PHF11: variants seen among roughly 807,000 people sequenced by gnomAD.
PHF11 encodes PHD finger protein 11, also known as BRCA1 C-terminus-associated protein.
In PHF11, 38 loss-of-function variants were observed where a neutral mutation model predicts 40.5. That is an observed-to-expected ratio of 0.94 (90% CI 0.72 to 1.23). PHF11 has a LOEUF of 1.23. PHF11 is among the 50% of genes most tolerant of loss of function. The probability of loss-of-function intolerance (pLI) is 0.00; values close to 1 mark genes in which losing one functional copy is unlikely to be tolerated. For synonymous variants in PHF11, 127 were observed against 138.2 expected, an observed-to-expected ratio of 0.92 and a Z score of 0.57; for missense variants, 369 against 392.4, an observed-to-expected ratio of 0.94 and a Z score of 0.50.
chr13:49,526,857 G>C (rs1028928702), intron 9 of PHF11, among the ~76,000 whole-genome samples: 1 of 152,140 alleles, frequency 6.6e-6, no homozygotes, highest in Non-Finnish European at 1.5e-5. Flanking sequence ...TTTGGCCTGT[G>C]TGTGGCCCAG....
At chr13:49,512,429 G>A (rs1018119858) in intron 2 of PHF11, among the ~76,000 whole-genome samples, 17 of 151,976 alleles carry the variant, frequency 1.1e-4, no homozygotes, top group Admixed American at 3.9e-4. Flanking sequence ...AGAAATCTTC[G>A]CCTATGCCAA....
intron 4 of PHF11, 171 bp downstream of exon 4, chr13:49,518,322 ATC>A (rs1184470749): frequency 1.8e-5 from 5 of 281,502 alleles, no homozygotes; most frequent in Middle Eastern, 8.8e-4. Context: ...TCAGTGAAAA[ATC>A]TATATATATA....
At chr13:49,518,987 T>G (rs9596130) in intron 4 of PHF11, among the ~76,000 whole-genome samples, 1 of 148,100 alleles carries the variant, frequency 6.8e-6, no homozygotes, top group Non-Finnish European at 1.5e-5. Context: ...AGGCGCCCGC[T>G]ACCACGCCCG....
chr13:49,527,518 A>T (rs7996994), intron 9 of PHF11, among the ~76,000 whole-genome samples: 72,323 of 152,074 alleles, frequency 0.48, 17,645 homozygotes, highest in Middle Eastern at 0.6. Flanking sequence ...TTTCTATTTG[A>T]ATTTTTTACT....
Position 49,497,366 on chromosome 13 carries a change from C to T in PHF11, c.94+1271C>T, listed in dbSNP as rs187521528. 8 of 486,864 alleles carry T rather than the reference C, an allele frequency of 1.6e-5. No individual in the cohort carries two copies. In the East Asian group the frequency reaches 2.7e-4, roughly 17 times the overall value. The allele number at this position is 486,864 out of a possible 1,614,324, so 30.2% of individuals were successfully genotyped here. ...CTCCACTGTATTCAGGTACTCCAAA[C>T]CTGCTCAACCACCAGCCCATTCCAT... On this transcript the variant is annotated intron_variant, in intron 1 of 9. Coordinates refer to ENST00000378319, the MANE Select transcript of PHF11 (RefSeq NM_001040443.3).
intron 1 of PHF11, chr13:49,497,058 C>A (rs767727832): frequency 1.7e-4 from 219 of 1,263,038 alleles, no homozygotes; most frequent in Non-Finnish European, 2.1e-4. Context: ...CTTTAAAGGG[C>A]AAGACTCAGC....
At chr13:49,526,234 T>G in intron 8 of PHF11, 153 bp from the exon 9 acceptor site, 1 of 605,700 alleles carries the variant, frequency 1.7e-6, no homozygotes, top group Non-Finnish European at 3.0e-6. Flanking sequence ...ACAGCTTCCC[T>G]GTAGTGCTGC....
intron 2 of PHF11, among the ~76,000 whole-genome samples, chr13:49,510,511 AG>A (rs1309832510): frequency 2.6e-5 from 4 of 152,026 alleles, no homozygotes; most frequent in Admixed American, 6.6e-5. Context: ...ATTTGAGACA[AG>A]GTCTCCCCAG....
intron 4 of PHF11, chr13:49,518,377 T>G (rs1456527699): frequency 4.2e-6 from 1 of 238,304 alleles, no homozygotes; most frequent in Non-Finnish European, 7.9e-6. Flanking sequence ...ATGAGATCAA[T>G]GTTAGGACAG....
chr13:49,497,231 G>C (rs1238866557), intron 1 of PHF11: 3 of 1,278,292 alleles, frequency 2.3e-6, no homozygotes, highest in Admixed American at 4.6e-5. Context: ...AGTCACGGGA[G>C]ATGCGCTTCC....
intron 1 of PHF11, among the ~76,000 whole-genome samples, chr13:49,500,093 A>G (rs1958879284): frequency 6.6e-6 from 1 of 152,180 alleles, no homozygotes; most frequent in African/African-American, 2.4e-5. Context: ...AATTAGTCAT[A>G]GTTCTTATAT....
At chr13:49,517,095 A>G (rs1959165017) in intron 3 of PHF11, among the ~76,000 whole-genome samples, 2 of 152,222 alleles carry the variant, frequency 1.3e-5, no homozygotes, top group Admixed American at 1.3e-4. Flanking sequence ...TTTTTCCTAT[A>G]TACATAGCCA....
At chr13:49,505,031 G>A (rs1360811966) in intron 1 of PHF11, among the ~76,000 whole-genome samples, 1 of 150,246 alleles carries the variant, frequency 6.7e-6, no homozygotes, top group Non-Finnish European at 1.5e-5. Context: ...CTCGTTAAGA[G>A]TCATCACCAC....
At chr13:49,522,831 C>A (rs1189094866) in intron 6 of PHF11, among the ~76,000 whole-genome samples, 3 of 133,726 alleles carry the variant, frequency 2.2e-5, no homozygotes, top group Non-Finnish European at 4.6e-5. Flanking sequence ...ATGGTGTGAT[C>A]TAAGCTCACT....
In PHF11 at chr13:49,510,817, A is replaced by T. The variant is rs536130541; in HGVS notation, c.217-2242A>T. Among the ~76,000 whole-genome samples, 3 of 152,314 alleles carry T rather than the reference A, an allele frequency of 2.0e-5. No homozygotes were observed. The East Asian group carries it at 5.8e-4, about 29-fold the overall frequency. ...AATATACTGTTGATGTTGATTTGCT[A>T]CTATTTTTTAGTTAACTTTATTGGC... On this transcript the variant is annotated intron_variant, in intron 2 of 9. Transcript: ENST00000378319.
chr13:49,509,095 G>T (rs1329306279), intron 2 of PHF11, among the ~76,000 whole-genome samples: 1 of 151,818 alleles, frequency 6.6e-6, no homozygotes, highest in Non-Finnish European at 1.5e-5. Context: ...TACATAATTT[G>T]ATGTTTATTT....
At chr13:49,519,913 C>T (rs1418758013) in intron 4 of PHF11, among the ~76,000 whole-genome samples, 1 of 152,076 alleles carries the variant, frequency 6.6e-6, no homozygotes, top group Non-Finnish European at 1.5e-5. Context: ...AACGGTATTC[C>T]CCTAGGCAAG....
intron 3 of PHF11, among the ~76,000 whole-genome samples, chr13:49,513,700 G>C (rs1281402248): frequency 6.6e-6 from 1 of 152,142 alleles, no homozygotes; most frequent in Non-Finnish European, 1.5e-5. Context: ...GAATGCTTTT[G>C]CTGTAAGTAG....
chr13:49,507,675 G>C (rs1198885598), intron 2 of PHF11, among the ~76,000 whole-genome samples: 3 of 152,202 alleles, frequency 2.0e-5, no homozygotes, highest in Non-Finnish European at 4.4e-5. Flanking sequence ...ACTTACGTTA[G>C]CCCACAGTTG....
Sources: gnomAD v4.1 joint callset for allele counts (sites outside exome capture counted in the v4.1 genomes callset) on GRCh38, gnomAD v4.1.1 for gene constraint, MANE v1.5 for transcripts, NCBI Gene and HGNC (gene_info 2026-07-23, HGNC 2026-07-21) for gene names.